Variants in IRF5 observed in about 807,000 individuals in gnomAD.
IRF5 encodes the protein interferon regulatory factor 5.
IRF5 carries 24 observed loss-of-function variants against 55.1 expected under a neutral mutation model. The ratio of observed to expected loss-of-function variants is 0.44; its 90% CI spans 0.32 to 0.61. IRF5 has a LOEUF of 0.61. Ranked by LOEUF, IRF5 falls within the 20% of genes least tolerant of loss-of-function variation. The probability of loss-of-function intolerance (pLI) is 0.07; values close to 1 mark genes in which losing one functional copy is unlikely to be tolerated. For synonymous variants in IRF5, 258 were observed against 260.2 expected, an observed-to-expected ratio of 0.99 and a Z score of 0.08; for missense variants, 499 against 658.5, an observed-to-expected ratio of 0.76 and a Z score of 2.65.
chr7:128,948,008 G>A lies in IRF5; in HGVS notation c.1067G>A (p.Cys356Tyr). 1 of 1,614,192 alleles carries A rather than the reference G, an allele frequency of 6.2e-7. No homozygotes were observed. Among genetic ancestry groups the A allele is most frequent in the Non-Finnish European group, 8.5e-7 (1 of 1,180,040 alleles). ...CAGGACCTTTATGCCATCCGCCTGT[G>A]TCAGTGCAAGGTGTTCTGGAGCGGG... ...QGQDLYAIRL[C>Y]QCKVFWSGPC... The change falls in exon 7 of 9, where the codon TGT becomes TAT. Residue 356 changes from cysteine to tyrosine, a missense_variant. Coordinates refer to ENST00000357234, the MANE Select transcript of IRF5 (RefSeq NM_001098629.3). This position sits in a 1 kb window ranked among gnomAD's most constrained non-coding sequence, Gnocchi z 4.6.
chr7:128,938,517 G>C (rs1457807523), intron 1 of IRF5, among the ~76,000 whole-genome samples: 1 of 152,212 alleles, frequency 6.6e-6, no homozygotes, highest in South Asian at 2.1e-4. Context: ...TGCTCTTACC[G>C]GGCCACCCTC....
chr7:128,941,866 T>G (rs867368976), intron 1 of IRF5, among the ~76,000 whole-genome samples: 1 of 152,338 alleles, frequency 6.6e-6, no homozygotes, highest in Middle Eastern at 3.4e-3. Context: ...CAGCATTCAC[T>G]AACTCGTAAC....
chr7:128,945,814 C>T (rs1315893164), intron 2 of IRF5, 31 bp from the exon 3 acceptor site: 1 of 1,591,102 alleles, frequency 6.3e-7, no homozygotes, highest in Non-Finnish European at 8.5e-7. Context: ...GGATGAGGTT[C>T]TCTGTGGTCG....
chr7:128,940,198 T>C (rs1795944501), intron 1 of IRF5: 2 of 152,260 alleles, frequency 1.3e-5, no homozygotes, highest in Non-Finnish European at 2.9e-5. Context: ...TTCAAAACCT[T>C]GCTCTGTATT....
Position 128,947,670 on chromosome 7 carries a change from C to A in IRF5, c.788-59C>A. 1 of 1,525,220 alleles carries A rather than the reference C, an allele frequency of 6.6e-7. No individual in the cohort carries two copies. The highest frequency in any genetic ancestry group is 8.8e-7 in the Non-Finnish European group (1 of 1,140,924). 94.5% of individuals were successfully genotyped at this position (1,525,220 alleles called of 1,614,324 possible). A position where few individuals can be genotyped will look rare whatever the true frequency, so the allele number is the denominator to read the frequency against. On this transcript the variant is annotated intron_variant, in intron 6 of 8. Coordinates refer to ENST00000357234, the MANE Select transcript of IRF5 (RefSeq NM_001098629.3). The surrounding 1 kb of genome is among the most constrained non-coding windows in gnomAD (Gnocchi z 6.5). The stretch of plus-strand genomic sequence containing the variant: ...GATGGGGCTGGGCCTGGCCACTGGG[C>A]TGCAGAATGGGGAGGCGTGGGGCTC...
In IRF5 at chr7:128,947,524, A is replaced by G; in HGVS notation, c.776A>G (p.His259Arg). Residue 259 changes from histidine (H) to arginine (R), a missense_variant, in exon 6 of 9, where the codon CAC becomes CGC. This residue lies in a region of IRF5 where 305 missense variants were observed against 340.2 expected (regional missense o/e 0.90). Transcript: ENST00000357234. This position sits in a 1 kb window ranked among gnomAD's most constrained non-coding sequence, Gnocchi z 6.5. ...QLLPDLLISP[H>R]MLPLTDLEIK... ...CTGCCAGACCTGCTGATCAGCCCCC[A>G]CATGCTGCCTCGTAAGGACCCATGG... is the stretch of plus-strand genomic sequence containing the variant. 1 of 1,565,510 alleles carries G rather than the reference A, an allele frequency of 6.4e-7. No homozygotes were observed. The highest frequency in any genetic ancestry group is 8.6e-7 in the Non-Finnish European group (1 of 1,162,126).
At chr7:128,945,039 A>G (rs1796225546) in intron 2 of IRF5, among the ~76,000 whole-genome samples, 1 of 152,222 alleles carries the variant, frequency 6.6e-6, no homozygotes, top group Admixed American at 6.5e-5. Flanking sequence ...TTGCCATTCA[A>G]AATAATACCA....
In IRF5 at chr7:128,945,853, C is replaced by T; in HGVS notation, c.204C>T (p.Ala68=). The T allele has an allele frequency of 2.5e-6, 4 of 1,610,062 alleles. No homozygotes were observed. ...DGDNTIFKAW[A]KETGKYTEGV... ...ATTTCTTCCTGCCCCAGGCCTGGGC[C>T]AAGGAGACAGGGAAATACACCGAAG... Residue 68 remains alanine (A), a synonymous_variant, in exon 3 of 9, where the codon GCC becomes GCT. Transcript: ENST00000357234.
At chr7:128,944,329 T>G (rs1283070341) in intron 2 of IRF5, among the ~76,000 whole-genome samples, 1 of 152,202 alleles carries the variant, frequency 6.6e-6, no homozygotes, top group Non-Finnish European at 1.5e-5. Flanking sequence ...ATGCTTCCCT[T>G]TTTTTCATCC....
At chr7:128,943,589 G>A (rs980610353) in intron 2 of IRF5, among the ~76,000 whole-genome samples, 2 of 146,788 alleles carry the variant, frequency 1.4e-5, no homozygotes, top group Non-Finnish European at 3.0e-5. Context: ...CACCCTAGCT[G>A]GAGTGCAATG....
Position 128,942,286 on chromosome 7 carries a change from G to A in IRF5, c.195+10G>A, listed in dbSNP as rs183734949. The A allele has an allele frequency of 2.4e-4, 379 of 1,603,102 alleles. No homozygotes were observed. The African/African-American group carries it at 4.1e-3, about 17-fold the overall frequency. On this transcript the variant is annotated intron_variant, in intron 2 of 8. Transcript: ENST00000357234. Reference sequence around the variant, plus strand: ...TAACACCATCTTCAAGGTAAGCCCCGGGGAGGAGGTTGGCTGGACCTCCAG... The same window carrying A: ...TAACACCATCTTCAAGGTAAGCCCCAGGGAGGAGGTTGGCTGGACCTCCAG...
rs34270648 is a variant in IRF5 at position 128,948,380 on chromosome 7, TG to T, written c.1299+56del. The T allele has an allele frequency of 6.6e-7, 1 of 1,505,084 alleles. No homozygotes were observed. The highest frequency in any genetic ancestry group is 2.3e-5 in the East Asian group (1 of 44,212). The allele number at this position is 1,505,084 out of a possible 1,614,324, so 93.2% of individuals were successfully genotyped here. On this transcript the variant is annotated intron_variant, in intron 8 of 8. Coordinates refer to ENST00000357234, the MANE Select transcript of IRF5 (RefSeq NM_001098629.3). This position sits in a 1 kb window ranked among gnomAD's most constrained non-coding sequence, Gnocchi z 4.6. ...CCTTGGCTTGAAAACTGGGGAATCC[TG>T]GGGCTAGGCCCTTGCCCCAGGCTGG...
At chr7:128,938,406 C>T (rs985742692) in intron 1 of IRF5, among the ~76,000 whole-genome samples, 1 of 152,232 alleles carries the variant, frequency 6.6e-6, no homozygotes, top group Non-Finnish European at 1.5e-5. Context: ...CTCCCTCCCC[C>T]TCGCCATCGC....
Position 128,948,089 on chromosome 7 carries a change from C to G in IRF5, c.1148C>G (p.Thr383Ser). Residue 383 changes from threonine to serine, a missense_variant, in exon 7 of 9, where the codon ACC becomes AGC. Transcript: ENST00000357234. This position sits in a 1 kb window ranked among gnomAD's most constrained non-coding sequence, Gnocchi z 4.6. ...AACCCCATCCAGCGGGAGGTCAAGA[C>G]CAAGCTTTTCAGCCTGGAGCATTTT... ...CPNPIQREVK[T>S]KLFSLEHFLN... 1.2e-6 allele frequency: 2 copies of G among 1,614,130 alleles called. No homozygotes were observed. Among genetic ancestry groups the G allele is most frequent in the Non-Finnish European group, 8.5e-7 (1 of 1,179,974 alleles).
At chr7:128,943,976 C>T (rs1486258813) in intron 2 of IRF5, among the ~76,000 whole-genome samples, 1 of 152,204 alleles carries the variant, frequency 6.6e-6, no homozygotes, top group Non-Finnish European at 1.5e-5. Context: ...TCCTGAGTAG[C>T]TGGTATCACA....
Position 128,947,738 on chromosome 7 carries a change from T to A in IRF5, c.797T>A (p.Leu266Gln). The A allele has an allele frequency of 6.2e-7, 1 of 1,606,668 alleles. No homozygotes were observed. Among genetic ancestry groups the A allele is most frequent in the Non-Finnish European group, 8.5e-7 (1 of 1,178,200 alleles). The change falls in exon 7 of 9, where the codon CTG becomes CAG. Residue 266 changes from leucine (L) to glutamine (Q), a missense_variant. By Grantham distance (113) the Leu-to-Gln change is moderately radical (BLOSUM62 -2). Transcript: ENST00000357234. The surrounding 1 kb of genome is among the most constrained non-coding windows in gnomAD (Gnocchi z 6.5). ...GCCTTCTGCCCCACAGTGACCGACC[T>A]GGAGATCAAGTTTCAGTACCGGGGG... ...ISPHMLPLTD[L>Q]EIKFQYRGRP...
rs748513366 is a variant in IRF5 at position 128,947,259 on chromosome 7, C to T, written c.511C>T (p.Pro171Ser). The T allele has an allele frequency of 6.2e-7, 1 of 1,610,178 alleles. No individual in the cohort carries two copies. The highest frequency in any genetic ancestry group is 1.3e-5 in the African/African-American group (1 of 74,934). ...DAVQSGPHMT[P>S]YSLLKEDVKW... ...AGTGCAGTCTGGCCCCCACATGACA[C>T]CCTATTCTTTACTCAAAGAGGATGT... The change falls in exon 6 of 9, where the codon CCC (proline) becomes TCC (serine). Residue 171 changes from proline (P) to serine (S), a missense_variant. This residue lies in a region of IRF5 where 305 missense variants were observed against 340.2 expected (regional missense o/e 0.90). Coordinates refer to ENST00000357234, the MANE Select transcript of IRF5 (RefSeq NM_001098629.3). This position sits in a 1 kb window ranked among gnomAD's most constrained non-coding sequence, Gnocchi z 6.5.
At chr7:128,938,464 C>A (rs879264098) in intron 1 of IRF5, among the ~76,000 whole-genome samples, 11 of 152,222 alleles carry the variant, frequency 7.2e-5, no homozygotes, top group Non-Finnish European at 1.5e-4. Context: ...GCTTGGACCA[C>A]AGAGGAGCGA....
rs1218663107 is a variant in IRF5 at position 128,947,763 on chromosome 7, G to A, written c.822G>A (p.Gly274=). The A allele has an allele frequency of 1.2e-6, 2 of 1,611,808 alleles. No homozygotes were observed. The highest frequency in any genetic ancestry group is 1.3e-5 in the African/African-American group (1 of 74,874). ...TDLEIKFQYR[G]RPPRALTISN... is the part of the protein sequence containing the mutation. ...TGGAGATCAAGTTTCAGTACCGGGG[G>A]CGGCCACCCCGGGCCCTCACCATCA... Residue 274 remains glycine, a synonymous_variant, in exon 7 of 9, where the codon GGG becomes GGA. Transcript: ENST00000357234. The surrounding 1 kb of genome is among the most constrained non-coding windows in gnomAD (Gnocchi z 6.5).
Sources: allele counts gnomAD v4.1 joint callset (sites outside exome capture counted in the v4.1 genomes callset), GRCh38; gene constraint gnomAD v4.1.1; regional missense constraint gnomAD v4.1.1; non-coding constraint Gnocchi (gnomAD v3.1); transcripts MANE v1.5; gene names NCBI Gene and HGNC (gene_info 2026-07-23, HGNC 2026-07-21).